Variants in STK11 observed in about 807,000 individuals in gnomAD.
STK11 encodes serine/threonine kinase 11.
Under a neutral mutation model 47.3 loss-of-function variants are expected in STK11, and 8 were observed. The ratio of observed to expected loss-of-function variants is 0.17; its 90% CI spans 0.10 to 0.31. STK11 has a LOEUF of 0.31. Among genes scored for constraint, STK11 ranks in the 10% least tolerant of loss-of-function variants. The pLI, the probability that STK11 is intolerant of heterozygous loss-of-function variation, is 1.00. For synonymous variants in STK11, 330 were observed against 255.8 expected (o/e 1.29, Z -2.77); for missense variants, 475 against 605.0 (o/e 0.79, Z 2.25).
In STK11 at chr19:1,221,940, TCTC is replaced by T. The variant is rs764739106; in HGVS notation, c.863-5_863-3del. 7 of 1,554,068 alleles carry T rather than the reference TCTC, an allele frequency of 4.5e-6. No homozygotes were observed. The highest frequency in any genetic ancestry group is 1.7e-4 in the Middle Eastern group (1 of 6,014). The stretch of plus-strand genomic sequence containing the variant: ...CCAGCTGACAGGCTCCTCGCCGGCT[TCTC>T]CTCAGGGATGCTTGAGTACGAACCG... On this transcript the variant is annotated splice_region_variant and splice_polypyrimidine_tract_variant and intron_variant, in intron 6 of 9. Coordinates refer to ENST00000326873, the MANE Select transcript of STK11 (RefSeq NM_000455.5).
At position 1,221,110 on chromosome 19, in the gene STK11, C is replaced by T. The variant is rs367796283; in HGVS notation, c.735-103C>T. On this transcript the variant is annotated intron_variant, in intron 5 of 9. Transcript: ENST00000326873. ...TCCTTGAGTCCACAGGGCCTCTGGT[C>T]CAGCAGCCACGGGACGCCTCTGTCC... is the stretch of plus-strand genomic sequence containing the variant. The T allele has an allele frequency of 1.9e-3, 2,834 of 1,521,246 alleles. 3 individuals carry two copies. Among genetic ancestry groups the T allele is most frequent in the Non-Finnish European group, 2.2e-3 (2,516 of 1,120,832 alleles). 94.2% of individuals were successfully genotyped at this position (1,521,246 alleles called of 1,614,324 possible).
Position 1,211,616 on chromosome 19 carries a change from C to A in STK11, c.290+4413C>A, listed in dbSNP as rs1471980560. Among the ~76,000 whole-genome samples the A allele has an allele frequency of 2.6e-5, 4 of 152,224 alleles. No homozygotes were observed. In the South Asian group the frequency reaches 8.3e-4, roughly 31 times the overall value. On this transcript the variant is annotated intron_variant, in intron 1 of 9. Transcript: ENST00000326873. Reference sequence around the variant, plus strand: ...CGCACAGCCTGGCGGTGTCCCACGGCCCTGCCCTTTCCTGTCACTTCCACC... The same window carrying A: ...CGCACAGCCTGGCGGTGTCCCACGGACCTGCCCTTTCCTGTCACTTCCACC...
intron 1 of STK11, among the ~76,000 whole-genome samples, chr19:1,210,583 A>T (rs1027287105): frequency 6.6e-6 from 1 of 152,238 alleles, no homozygotes; most frequent in Non-Finnish European, 1.5e-5. Flanking sequence ...ATGAGTTAAA[A>T]AGAGGGCTGG....
Position 1,221,232 on chromosome 19 carries a change from C to T in STK11, c.754C>T (p.Leu252=), listed in dbSNP as rs1363669559. 1 of 1,612,606 alleles carries T rather than the reference C, an allele frequency of 6.2e-7. No individual in the cohort carries two copies. The highest frequency in any genetic ancestry group is 1.7e-5 in the Admixed American group (1 of 59,992). Reference sequence around the variant, plus strand: ...ATGAAGCTACAACATCACCACGGGTCTGTACCCCTTCGAAGGGGACAACAT... The same window carrying T: ...ATGAAGCTACAACATCACCACGGGTTTGTACCCCTTCGAAGGGGACAACAT... ...GVTLYNITTG[L]YPFEGDNIYK... is the part of the protein sequence containing the mutation. Residue 252 remains leucine, a synonymous_variant, in exon 6 of 10, where the codon CTG becomes TTG. Coordinates refer to ENST00000326873, the MANE Select transcript of STK11 (RefSeq NM_000455.5).
chr19:1,224,679 CTGCCCTGGGG>C, intron 8 of STK11: 2 of 985,634 alleles, frequency 2.0e-6, no homozygotes, highest in Non-Finnish European at 2.4e-6. Context: ...GAGACCTGGG[CTGCCCTGGGG>C]TGAGGTGCCT....
chr19:1,214,541 A>G (rs1341435367), intron 1 of STK11, among the ~76,000 whole-genome samples: 3 of 152,106 alleles, frequency 2.0e-5, no homozygotes, highest in Non-Finnish European at 4.4e-5. Flanking sequence ...CATGGAGGAG[A>G]CATGGTGTCG....
rs1435506440 is a variant in STK11 at position 1,220,799 on chromosome 19, G to GCGCAGGGCGTGGC, written c.734+84_734+96dup. On this transcript the variant is annotated intron_variant, in intron 5 of 9. Coordinates refer to ENST00000326873, the MANE Select transcript of STK11 (RefSeq NM_000455.5). ...GTCTTGGGCAGCTGCCGGCCTGTGG[G>GCGCAGGGCGTGGC]CGCAGGGCGTGGCCACCGGCCCAGA... 5 of 1,526,302 alleles carry GCGCAGGGCGTGGC rather than the reference G, an allele frequency of 3.3e-6. No homozygotes were observed. The Admixed American group carries it at 8.0e-5, about 24-fold the overall frequency. 94.5% of individuals were successfully genotyped at this position (1,526,302 alleles called of 1,614,324 possible).
In STK11 at chr19:1,223,000, A is replaced by G. The variant is rs786201739; in HGVS notation, c.936A>G (p.Lys312=). The change falls in exon 8 of 10, where the codon AAA becomes AAG. Residue 312 remains lysine (K), a synonymous_variant. Coordinates refer to ENST00000326873, the MANE Select transcript of STK11 (RefSeq NM_000455.5). ...QIRQHSWFRK[K]HPPAEAPVPI... ...GCGTTTGCAGCTGGTTCCGGAAGAA[A>G]CATCCTCCGGCTGAAGCACCAGTGC... The G allele has an allele frequency of 1.9e-6, 3 of 1,561,640 alleles. No individual in the cohort carries two copies. The African/African-American group carries it at 4.1e-5, about 21-fold the overall frequency.
At chr19:1,219,706 C>T (rs1181140054) in intron 3 of STK11, among the ~76,000 whole-genome samples, 7 of 152,168 alleles carry the variant, frequency 4.6e-5, no homozygotes, top group African/African-American at 7.2e-5. Context: ...CCACCACGCC[C>T]GGCTAATTTT....
chr19:1,207,380 G>C (rs1200811190), intron 1 of STK11, among the ~76,000 whole-genome samples, 177 bp downstream of exon 1: 2 of 152,178 alleles, frequency 1.3e-5, no homozygotes, highest in Non-Finnish European at 2.9e-5. Flanking sequence ...CCTGCGTTAC[G>C]GACTTTCACT....
At position 1,206,910 on chromosome 19, in the gene STK11, C is replaced by T. The variant is rs1181075160; in HGVS notation, c.-4C>T. On this transcript the variant is annotated 5_prime_UTR_variant, in exon 1 of 10. Transcript: ENST00000326873. ...CGGCGGGACTCCAGGACCCTGGGTC[C>T]AGCATGGAGGTGGTGGACCCGCAGC... The T allele has an allele frequency of 3.8e-6, 6 of 1,571,294 alleles. No homozygotes were observed. In the African/African-American group the frequency reaches 4.1e-5, roughly 11 times the overall value.
At position 1,224,760 on chromosome 19, in the gene STK11, TGAG is replaced by T. The variant is rs371643477; in HGVS notation, c.1108+1595_1108+1597del. The T allele has an allele frequency of 5.3e-4, 525 of 985,396 alleles. 2 individuals carry two copies. In the African/African-American group the frequency reaches 8.5e-3, roughly 16 times the overall value. 61.0% of individuals were successfully genotyped at this position (985,396 alleles called of 1,614,324 possible). ...ACCCTGCTAAGCCCACTGTGGGTGG[TGAG>T]GAGGAGTACCCAGCAGGGGGAAGGG... On this transcript the variant is annotated intron_variant, in intron 8 of 9. Coordinates refer to ENST00000326873, the MANE Select transcript of STK11 (RefSeq NM_000455.5).
intron 3 of STK11, chr19:1,220,096 A>C: frequency 7.0e-6 from 3 of 427,328 alleles, no homozygotes; most frequent in Middle Eastern, 6.3e-4. Flanking sequence ...TGTTCCAGCA[A>C]GACTTTGGGG....
intron 6 of STK11, chr19:1,221,601 G>A (rs557815767): frequency 5.7e-4 from 345 of 600,140 alleles, no homozygotes; most frequent in African/African-American, 5.3e-3. Flanking sequence ...CCCCACCCTC[G>A]GGGGCTCCCT....
At chr19:1,219,796 C>A (rs1483285360) in intron 3 of STK11, among the ~76,000 whole-genome samples, 1 of 152,224 alleles carries the variant, frequency 6.6e-6, no homozygotes, top group African/African-American at 2.4e-5. Context: ...CCGCCTGCCT[C>A]AGCCTCCCAA....
In STK11 at chr19:1,220,295, C is replaced by T. The variant is rs574696444; in HGVS notation, c.465-78C>T. ...AGCTGGGCCTGTGGTGTTTGGGAGG[C>T]TCCCAGGCAGCTGCAAAGGGGACCC... On this transcript the variant is annotated intron_variant, in intron 3 of 9. Coordinates refer to ENST00000326873, the MANE Select transcript of STK11 (RefSeq NM_000455.5). 7.9e-6 allele frequency: 12 copies of T among 1,524,674 alleles called. No homozygotes were observed. In the African/African-American group the frequency reaches 1.5e-4, roughly 19 times the overall value. The allele number at this position is 1,524,674 out of a possible 1,614,324, so 94.4% of individuals were successfully genotyped here. A position where few individuals can be genotyped will look rare whatever the true frequency, so the allele number is the denominator to read the frequency against.
At position 1,226,596 on chromosome 19, in the gene STK11, C is replaced by T. The variant is rs1060503786; in HGVS notation, c.1251C>T (p.Ala417=). The T allele has an allele frequency of 3.2e-6, 5 of 1,566,776 alleles. No homozygotes were observed. The highest frequency in any genetic ancestry group is 4.3e-6 in the Non-Finnish European group (5 of 1,157,668). The part of the protein sequence containing the change: ...EGRAPNPARK[A]CSASSKIRRL... ...GGGCCCCCAACCCTGCCCGCAAGGC[C>T]TGCTCCGCCAGCAGCAAGATCCGCC... The change falls in exon 9 of 10, where the codon GCC becomes GCT. Residue 417 remains alanine (A), a synonymous_variant. Coordinates refer to ENST00000326873, the MANE Select transcript of STK11 (RefSeq NM_000455.5).
chr19:1,225,838 C>T (rs1212122512), intron 8 of STK11: 3 of 986,084 alleles, frequency 3.0e-6, no homozygotes, highest in Non-Finnish European at 3.6e-6. Context: ...CCTGCACTTT[C>T]CCCTGCCATT....
intron 1 of STK11, 76 bp downstream of exon 1, chr19:1,207,279 TCCTC>T (rs757904352): frequency 1.2e-4 from 186 of 1,501,262 alleles, no homozygotes; most frequent in Non-Finnish European, 1.6e-4. Flanking sequence ...CTTCCTTCTC[TCCTC>T]CCTCCCTCCC....
Sources: allele counts gnomAD v4.1 joint callset (sites outside exome capture counted in the v4.1 genomes callset), GRCh38; gene constraint gnomAD v4.1.1; transcripts MANE v1.5; gene names NCBI Gene and HGNC (gene_info 2026-07-23, HGNC 2026-07-21).